Variants in PAH observed in about 807,000 individuals in gnomAD.
PAH encodes the protein phenylalanine-4-hydroxylase.
A neutral mutation model predicts 62.0 loss-of-function variants in PAH; 64 were observed. The observed-to-expected ratio is 1.03, with a 90% CI of 0.84 to 1.27. PAH has a LOEUF of 1.27. Ranked by LOEUF, PAH falls within the 50% of genes most tolerant of loss-of-function variation. The probability of loss-of-function intolerance (pLI) is 0.00; values close to 1 mark genes in which losing one functional copy is unlikely to be tolerated. For missense variants in PAH, 579 were observed against 542.8 expected, an observed-to-expected ratio of 1.07 and a Z score of -0.66; for synonymous variants, 195 against 196.2, an observed-to-expected ratio of 0.99 and a Z score of 0.05.
intron 2 of PAH, among the ~76,000 whole-genome samples, chr12:102,902,845 T>C (rs1361273185): frequency 6.6e-6 from 1 of 152,166 alleles, no homozygotes; most frequent in African/African-American, 2.4e-5. Context: ...TGTGATTCTT[T>C]GGACATTTTT....
rs1192097327 is a variant in PAH, at chr12:102,838,225, C to G, written c.*950G>C. On this transcript the variant is annotated 3_prime_UTR_variant, in exon 13 of 13. Coordinates refer to ENST00000553106, the MANE Select transcript of PAH (RefSeq NM_000277.3). The stretch of plus-strand genomic sequence containing the variant: ...TGCAAAGGGTTGGAGATATGAGCCT[C>G]TGGCCATTTTCTCATGTTACAAAAC... 6.6e-6 allele frequency: 1 copy of G among 152,174 alleles called. No homozygotes were observed. Among genetic ancestry groups the G allele is most frequent in the Admixed American group, 6.5e-5 (1 of 15,276 alleles). The allele number at this position is 152,174 out of a possible 1,614,324, so 9.4% of individuals were successfully genotyped here. A position where few individuals can be genotyped will look rare whatever the true frequency, so the allele number is the denominator to read the frequency against.
At chr12:102,848,607 G>A (rs1368065141) in intron 8 of PAH, among the ~76,000 whole-genome samples, 7 of 151,186 alleles carry the variant, frequency 4.6e-5, no homozygotes, top group Non-Finnish European at 8.8e-5. Context: ...TGGAGAGGTT[G>A]AGGGTAGACA....
chr12:102,929,647 G>T (rs1328490229), intron 1 of PAH, among the ~76,000 whole-genome samples: 1 of 152,150 alleles, frequency 6.6e-6, no homozygotes, highest in Non-Finnish European at 1.5e-5. Flanking sequence ...GGTGGAGAGT[G>T]GAATGGAGGG....
intron 1 of PAH, among the ~76,000 whole-genome samples, chr12:102,948,993 A>G (rs1279663367): frequency 6.6e-6 from 1 of 152,140 alleles, no homozygotes. Context: ...CAAGTTGCAA[A>G]TGTTCGCAGT....
At chr12:102,904,655 T>A in intron 2 of PAH, 1 of 402,960 alleles carries the variant, frequency 2.5e-6, no homozygotes, top group South Asian at 2.0e-5. Context: ...TCTAGATTAT[T>A]TCATTTGTTT....
chr12:102,903,441 T>G (rs538212488), intron 2 of PAH, among the ~76,000 whole-genome samples: 1 of 151,920 alleles, frequency 6.6e-6, no homozygotes, highest in Admixed American at 6.5e-5. Flanking sequence ...ACAACTCATA[T>G]GCTATCAATA....
In PAH at chr12:102,926,873, A is replaced by G. The variant is rs1009920278; in HGVS notation, c.-95-9648T>C. On this transcript the variant is annotated intron_variant, in intron 1 of 3. Coordinates refer to the PAH transcript ENST00000546844. ...AATATGCTACTGTACCTCTCTTCCCAATTCTGTGTTCAGTGACATGATGTT... is the reference window on the plus strand; with the variant it reads ...AATATGCTACTGTACCTCTCTTCCCGATTCTGTGTTCAGTGACATGATGTT... 3.3e-5 allele frequency among the ~76,000 whole-genome samples: 5 copies of G among 151,894 alleles called. 1 individual carries two copies. The highest frequency in any genetic ancestry group is 1.2e-4 in the African/African-American group (5 of 41,316).
At chr12:102,847,985 A>G (rs1308796669) in intron 8 of PAH, among the ~76,000 whole-genome samples, 1 of 152,224 alleles carries the variant, frequency 6.6e-6, no homozygotes, top group African/African-American at 2.4e-5. Context: ...GATATCAAAG[A>G]GGGATCCAGA....
In PAH at chr12:102,846,892, T is replaced by C; in HGVS notation, c.969+3A>G. 2 of 1,612,872 alleles carry C rather than the reference T, an allele frequency of 1.2e-6. No individual in the cohort carries two copies. The highest frequency in any genetic ancestry group is 8.5e-7 in the Non-Finnish European group (1 of 1,178,972). On this transcript the variant is annotated splice_donor_region_variant and intron_variant, in intron 9 of 12. Transcript: ENST00000553106. ...CATCCACCCAGGGAGAGAAGGGACTTACTGTGGCGAGCTTTTCAATGTATT... is the reference window on the plus strand; with the variant it reads ...CATCCACCCAGGGAGAGAAGGGACTCACTGTGGCGAGCTTTTCAATGTATT...
chr12:102,916,739 A>G (rs559519021), intron 1 of PAH: 2 of 377,586 alleles, frequency 5.3e-6, no homozygotes, highest in African/African-American at 4.2e-5. Flanking sequence ...CAGCCCCTTC[A>G]GTGTACAGAA....
chr12:102,947,385 G>A (rs1879542881), intron 1 of PAH, among the ~76,000 whole-genome samples: 1 of 152,138 alleles, frequency 6.6e-6, no homozygotes, highest in Non-Finnish European at 1.5e-5. Flanking sequence ...TTTCAAATAT[G>A]TTGCCCTTGA....
chr12:102,932,911 T>C (rs1387877505), intron 1 of PAH, among the ~76,000 whole-genome samples: 1 of 152,204 alleles, frequency 6.6e-6, no homozygotes, highest in African/African-American at 2.4e-5. Context: ...ACATTACACA[T>C]TGCACGCTTA....
At chr12:102,882,531 A>G (rs1314000072) in intron 3 of PAH, among the ~76,000 whole-genome samples, 1 of 151,754 alleles carries the variant, frequency 6.6e-6, no homozygotes, top group Non-Finnish European at 1.5e-5. Flanking sequence ...ACTGGCACAT[A>G]GTAGACAGTA....
chr12:102,934,498 T>C (rs1048295419), intron 1 of PAH, among the ~76,000 whole-genome samples: 4 of 152,102 alleles, frequency 2.6e-5, no homozygotes, highest in African/African-American at 9.7e-5. Flanking sequence ...ATTGAATCTG[T>C]ATGTTGCTTT....
intron 4 of PAH, among the ~76,000 whole-genome samples, chr12:102,870,450 C>T (rs561136389): frequency 8.9e-4 from 135 of 152,246 alleles, no homozygotes; most frequent in Admixed American, 2.4e-3. Flanking sequence ...CAGTTTAAGT[C>T]AGGTAATGTC....
intron 3 of PAH, among the ~76,000 whole-genome samples, chr12:102,888,670 G>A (rs1877137631): frequency 6.6e-6 from 1 of 151,616 alleles, no homozygotes. Flanking sequence ...CCACTCCTGG[G>A]TTGGTGTCAC....
At chr12:102,862,218 T>C (rs1622379) in intron 5 of PAH, among the ~76,000 whole-genome samples, 134,961 of 152,252 alleles carry the variant, frequency 0.89, 59,996 homozygotes, top group African/African-American at 0.95. Context: ...GAATACTATG[T>C]GGCCATAAAA....
Position 102,917,244 on chromosome 12 carries a change from T to G in PAH, c.-114A>C. ...CCTCGCACTAGGGAGGAGAAGAGAG[T>G]TACAAAGGGTGTCTCTTGCGTGGTG... On this transcript the variant is annotated 5_prime_UTR_variant, in exon 1 of 13. Coordinates refer to ENST00000553106, the MANE Select transcript of PAH (RefSeq NM_000277.3). The G allele has an allele frequency of 1.2e-6, 1 of 867,590 alleles. No individual in the cohort carries two copies. 53.7% of individuals were successfully genotyped at this position (867,590 alleles called of 1,614,324 possible).
intron 4 of PAH, among the ~76,000 whole-genome samples, chr12:102,872,623 A>T (rs567823878): frequency 6.6e-6 from 1 of 152,346 alleles, no homozygotes; most frequent in East Asian, 1.9e-4. Flanking sequence ...CTGAAGAAGA[A>T]ATTTCCTACA....
Sources: allele counts gnomAD v4.1 joint callset (sites outside exome capture counted in the v4.1 genomes callset), GRCh38; gene constraint gnomAD v4.1.1; transcripts MANE v1.5; gene names NCBI Gene and HGNC (gene_info 2026-07-23, HGNC 2026-07-21).